The following MGAT4C variants were observed in gnomAD, a reference collection of about 807,000 sequenced individuals.
MGAT4C encodes the protein alpha-1,3-mannosyl-glycoprotein 4-beta-N-acetylglucosaminyltransferase C.
Under a neutral mutation model 40.1 loss-of-function variants are expected in MGAT4C, and 19 were observed. The observed-to-expected ratio is 0.47, with a 90% CI of 0.33 to 0.70. The LOEUF (loss-of-function observed/expected upper bound fraction) is 0.70, where lower values mean the gene tolerates loss of function less well. Ranked by LOEUF, MGAT4C falls within the 30% of genes least tolerant of loss-of-function variation. The pLI is 0.02. For synonymous variants in MGAT4C, 181 were observed against 187.1 expected (o/e 0.97, Z 0.27); for missense variants, 491 against 563.2 (o/e 0.87, Z 1.30).
rs1367298010 is a variant in MGAT4C, at chr12:85,962,651, T to C, written c.*16638A>G. ...AGATTGTTTAAGTACATTCAACTTG[T>C]AATGAACTGTAAACTTCACCCATAA... On this transcript the variant is annotated 3_prime_UTR_variant, in exon 5 of 5. Coordinates refer to ENST00000611864, the MANE Select transcript of MGAT4C (RefSeq NM_001351288.2). The C allele has an allele frequency of 6.6e-6, 1 of 151,026 alleles. No homozygotes were observed. Among genetic ancestry groups the C allele is most frequent in the Non-Finnish European group, 1.5e-5 (1 of 67,464 alleles). 9.4% of individuals were successfully genotyped at this position (151,026 alleles called of 1,614,324 possible). A position where few individuals can be genotyped will look rare whatever the true frequency, so the allele number is the denominator to read the frequency against.
chr12:86,118,844 A>G (rs765254579), intron 1 of MGAT4C, among the ~76,000 whole-genome samples: 5 of 152,204 alleles, frequency 3.3e-5, no homozygotes, highest in Non-Finnish European at 5.9e-5. Flanking sequence ...ACCAGAAAGC[A>G]ATATAATTAT....
intron 3 of MGAT4C, among the ~76,000 whole-genome samples, chr12:86,358,186 A>G (rs1274207722): frequency 6.6e-6 from 1 of 152,164 alleles, no homozygotes; most frequent in South Asian, 2.1e-4. Context: ...AACATTCTTA[A>G]AGAAAAGAAT....
At chr12:86,237,085 A>G (rs1324294650) in intron 1 of MGAT4C, among the ~76,000 whole-genome samples, 1 of 151,292 alleles carries the variant, frequency 6.6e-6, no homozygotes, top group Non-Finnish European at 1.5e-5. Flanking sequence ...AGAGAGAAGC[A>G]AGAATGTGGA....
chr12:86,283,238 G>T (rs191699127), intron 4 of MGAT4C, among the ~76,000 whole-genome samples: 42 of 151,960 alleles, frequency 2.8e-4, no homozygotes, highest in Admixed American at 9.8e-4. Context: ...GTAACTGTGA[G>T]GTTCACCTCT....
At chr12:86,534,503 T>A (rs1485807324) in intron 2 of MGAT4C, among the ~76,000 whole-genome samples, 1 of 152,120 alleles carries the variant, frequency 6.6e-6, no homozygotes, top group Non-Finnish European at 1.5e-5. Context: ...TACTTCTTGG[T>A]GTTCATGGTT....
Position 86,018,222 on chromosome 12 carries a change from T to C in MGAT4C, c.-6-28670A>G, listed in dbSNP as rs757535880. 4.9e-4 allele frequency among the ~76,000 whole-genome samples: 75 copies of C among 152,098 alleles called. 1 individual carries two copies. The highest frequency in any genetic ancestry group is 1.3e-4 in the Admixed American group (2 of 15,266). The stretch of plus-strand genomic sequence containing the variant: ...AAGAAGAAAAACAAAATTCTACCCA[T>C]CTAAATGAAAGTGGCAACGTTAATC... On this transcript the variant is annotated intron_variant, in intron 2 of 4. Transcript: ENST00000611864.
rs1267344319 is a variant in MGAT4C at position 86,408,479 on chromosome 12, C to CTGTATATATATATA, written c.-120+26677_-120+26678insTATATATATATACA. ...TCTCTCTCTCTCTCTCTCTCTCTCTCTATATATATATATATATATATATAT... is the reference window on the plus strand; with the variant it reads ...TCTCTCTCTCTCTCTCTCTCTCTCTCTGTATATATATATATATATATATATATATATATATATAT... On this transcript the variant is annotated intron_variant, in intron 3 of 7. Transcript: ENST00000548651. Among the ~76,000 whole-genome samples the CTGTATATATATATA allele has an allele frequency of 4.3e-4, 27 of 63,344 alleles. 1 individual carries two copies. The highest frequency in any genetic ancestry group is 2.0e-3 in the African/African-American group (25 of 12,768). 41.6% of individuals were successfully genotyped at this position (63,344 alleles called of 152,430 possible).
intron 2 of MGAT4C, among the ~76,000 whole-genome samples, chr12:86,616,082 C>T (rs1303951528): frequency 6.6e-6 from 1 of 152,034 alleles, no homozygotes; most frequent in Admixed American, 6.6e-5. Context: ...GAGCTATGTA[C>T]ACAATGCCTT....
At chr12:86,126,037 C>T (rs1430334571) in intron 1 of MGAT4C, among the ~76,000 whole-genome samples, 2 of 151,718 alleles carry the variant, frequency 1.3e-5, no homozygotes, top group African/African-American at 2.4e-5. Context: ...TATTAGTATA[C>T]AGGAATCAGT....
At chr12:86,794,950 T>A (rs970672077) in intron 1 of MGAT4C, among the ~76,000 whole-genome samples, 10 of 151,916 alleles carry the variant, frequency 6.6e-5, no homozygotes, top group African/African-American at 2.4e-4. Context: ...CCATTCTGTT[T>A]GAATACTTGT....
chr12:86,245,826 T>C (rs2471566), intron 1 of MGAT4C, among the ~76,000 whole-genome samples: 112,332 of 152,098 alleles, frequency 0.74, 41,786 homozygotes, highest in East Asian at 0.95. Flanking sequence ...AAGAACAAAT[T>C]AATTAAAGTG....
chr12:85,990,856 ATCCTG>A (rs1412099350), intron 2 of MGAT4C, among the ~76,000 whole-genome samples: 1 of 152,188 alleles, frequency 6.6e-6, no homozygotes, highest in African/African-American at 2.4e-5. Context: ...ATAAATGTAT[ATCCTG>A]AGGATTTGGG....
rs993591178 is a variant in MGAT4C at position 86,034,484 on chromosome 12, C to T, written c.-7+15190G>A. 2.0e-5 allele frequency among the ~76,000 whole-genome samples: 3 copies of T among 149,358 alleles called. 1 individual carries two copies. Among genetic ancestry groups the T allele is most frequent in the South Asian group, 2.1e-4 (1 of 4,732 alleles). On this transcript the variant is annotated intron_variant, in intron 2 of 4. Transcript: ENST00000611864. ...TCTGGTTCAATTTGGGAGGTTATATCTCTCAGAATTGACCAATTTTTTTTC... is the reference window on the plus strand; with the variant it reads ...TCTGGTTCAATTTGGGAGGTTATATTTCTCAGAATTGACCAATTTTTTTTC...
intron 1 of MGAT4C, among the ~76,000 whole-genome samples, chr12:86,806,550 C>T (rs1222026222): frequency 6.6e-6 from 1 of 151,782 alleles, no homozygotes; most frequent in Non-Finnish European, 1.5e-5. Context: ...TGAACAGTTC[C>T]ATTACCAAAA....
intron 2 of MGAT4C, among the ~76,000 whole-genome samples, chr12:86,632,028 G>T (rs1468580676): frequency 6.6e-6 from 1 of 151,996 alleles, no homozygotes; most frequent in African/African-American, 2.4e-5. Flanking sequence ...CTAGTGTCCA[G>T]AATCTACAAA....
At chr12:86,613,401 G>A (rs894801653) in intron 2 of MGAT4C, among the ~76,000 whole-genome samples, 1 of 152,060 alleles carries the variant, frequency 6.6e-6, no homozygotes, top group Admixed American at 6.5e-5. Context: ...TAGATAAAGT[G>A]GCAATCAATC....
At chr12:86,357,138 A>G (rs944092512) in intron 3 of MGAT4C, among the ~76,000 whole-genome samples, 3 of 152,180 alleles carry the variant, frequency 2.0e-5, no homozygotes, top group Non-Finnish European at 4.4e-5. Flanking sequence ...AGAGGAAGGA[A>G]CAGGCAGCAA....
chr12:86,799,548 A>T, intron 1 of MGAT4C, among the ~76,000 whole-genome samples: 1 of 151,878 alleles, frequency 6.6e-6, no homozygotes, highest in East Asian at 1.9e-4. Flanking sequence ...TGATGCACAA[A>T]TAGCTTTTAT....
intron 3 of MGAT4C, among the ~76,000 whole-genome samples, chr12:86,372,018 A>G (rs925932336): frequency 1.3e-5 from 2 of 151,816 alleles, no homozygotes; most frequent in Non-Finnish European, 2.9e-5. Flanking sequence ...TTTCAAGTCC[A>G]TAAGATGAAT....
Sources: allele counts gnomAD v4.1 joint callset (sites outside exome capture counted in the v4.1 genomes callset), GRCh38; gene constraint gnomAD v4.1.1; transcripts MANE v1.5; gene names NCBI Gene and HGNC (gene_info 2026-07-23, HGNC 2026-07-21).